The following ARNT2 variants were observed in gnomAD, a reference collection of about 807,000 sequenced individuals.
ARNT2 encodes aryl hydrocarbon receptor nuclear translocator 2.
In ARNT2, 36 loss-of-function variants were observed where a neutral mutation model predicts 91.7. The observed-to-expected ratio is 0.39, with a 90% CI of 0.30 to 0.52. ARNT2 has a LOEUF of 0.52. Ranked by LOEUF, ARNT2 falls within the 20% of genes least tolerant of loss-of-function variation. The pLI is 0.72. For synonymous variants in ARNT2, 365 were observed against 347.1 expected, an observed-to-expected ratio of 1.05 and a Z score of -0.57; for missense variants, 775 against 939.3, an observed-to-expected ratio of 0.83 and a Z score of 2.29.
chr15:80,442,876 C>T (rs1896215633), intron 1 of ARNT2: 2 of 985,376 alleles, frequency 2.0e-6, no homozygotes. Context: ...TAGAATTTTC[C>T]CTTTTTGGGA....
intron 5 of ARNT2, among the ~76,000 whole-genome samples, chr15:80,506,050 C>T (rs1343655192): frequency 1.3e-5 from 2 of 151,232 alleles, no homozygotes; most frequent in Non-Finnish European, 2.9e-5. Context: ...CATTCTCCTG[C>T]CTCAGCCTCC....
At chr15:80,497,256 AT>A (rs1897135682) in intron 5 of ARNT2, among the ~76,000 whole-genome samples, 3 of 152,396 alleles carry the variant, frequency 2.0e-5, no homozygotes, top group African/African-American at 7.2e-5. Flanking sequence ...CAAGTAAGCC[AT>A]TTAAAAGGAG....
In ARNT2 at chr15:80,551,212, T is replaced by C; in HGVS notation, c.891T>C (p.Pro297=). Residue 297 remains proline (P), a synonymous_variant, in exon 9 of 19, where the codon CCT becomes CCC. Transcript: ENST00000303329. ...TTCCCATTTCAGGAATGACCATACC[T>C]GAAGAAGACGCTGATGTGGGACAAG... The part of the protein sequence containing the change: ...KAWPPAGMTI[P]EEDADVGQGS... 2.5e-6 allele frequency: 4 copies of C among 1,613,980 alleles called. No individual in the cohort carries two copies. Among genetic ancestry groups the C allele is most frequent in the Non-Finnish European group, 3.4e-6 (4 of 1,179,846 alleles).
intron 17 of ARNT2, among the ~76,000 whole-genome samples, chr15:80,586,739 G>T (rs1028819367): frequency 1.3e-5 from 2 of 151,554 alleles, no homozygotes; most frequent in Admixed American, 6.6e-5. Flanking sequence ...GGTGGTGCGC[G>T]CTGAGGCAGG....
intron 8 of ARNT2, among the ~76,000 whole-genome samples, chr15:80,548,629 G>A (rs8027410): frequency 0.35 from 53,323 of 151,858 alleles, 9,671 homozygotes; most frequent in Non-Finnish European, 0.38. Flanking sequence ...AGGCTATAAT[G>A]GTAGAGAAAG....
chr15:80,508,219 T>C lies in ARNT2; in HGVS notation c.686T>C (p.Met229Thr). 6.2e-7 allele frequency: 1 copy of C among 1,614,174 alleles called. No homozygotes were observed. The highest frequency in any genetic ancestry group is 8.5e-7 in the Non-Finnish European group (1 of 1,180,018). Residue 229 changes from methionine to threonine, a missense_variant, in exon 6 of 19, where the codon ATG (methionine) becomes ACG (threonine). By Grantham distance (81) the Met-to-Thr change is moderately conservative. Coordinates refer to ENST00000303329, the MANE Select transcript of ARNT2 (RefSeq NM_014862.4). ...KKEGQQSSMR[M>T]CMGSRRSFIC... ...GAAGGGCAGCAGTCATCCATGAGGA[T>C]GTGCATGGGCTCGCGGCGGTCTTTC... is the stretch of plus-strand genomic sequence containing the variant.
In ARNT2 at chr15:80,454,339, G is replaced by T. The variant is rs1049243773; in HGVS notation, c.146+3345G>T. On this transcript the variant is annotated intron_variant, in intron 2 of 18. Transcript: ENST00000303329. ...CCCATCTCAAAGCCAGCTTTTGATG[G>T]GTTGGAGGGTGGAGGCTGAGGGCAG... 1.1e-4 allele frequency among the ~76,000 whole-genome samples: 17 copies of T among 152,190 alleles called. 1 individual carries two copies. The highest frequency in any genetic ancestry group is 1.0e-3 in the Admixed American group (16 of 15,286).
At chr15:80,454,049 C>T (rs1181890660) in intron 2 of ARNT2, among the ~76,000 whole-genome samples, 1 of 152,234 alleles carries the variant, frequency 6.6e-6, no homozygotes, top group Non-Finnish European at 1.5e-5. Flanking sequence ...TAACTTTCTT[C>T]CCATTTCCCT....
intron 1 of ARNT2, among the ~76,000 whole-genome samples, chr15:80,409,620 CT>C (rs1895653057): frequency 6.6e-6 from 1 of 152,158 alleles, no homozygotes; most frequent in Non-Finnish European, 1.5e-5. Context: ...TTAGGTATAA[CT>C]CCTACCATCA....
chr15:80,446,133 A>G (rs549290174), intron 1 of ARNT2, among the ~76,000 whole-genome samples: 2 of 152,242 alleles, frequency 1.3e-5, no homozygotes, highest in South Asian at 2.1e-4. Context: ...CCCATTTTGC[A>G]GATAGAAAAC....
chr15:80,464,570 G>A (rs752539217), intron 3 of ARNT2, among the ~76,000 whole-genome samples: 1 of 152,152 alleles, frequency 6.6e-6, no homozygotes, highest in Non-Finnish European at 1.5e-5. Flanking sequence ...GGCCTTGGAT[G>A]GCTTCTGGGG....
chr15:80,468,163 G>A (rs1032632772), intron 3 of ARNT2, among the ~76,000 whole-genome samples: 6 of 152,058 alleles, frequency 3.9e-5, no homozygotes, highest in African/African-American at 7.2e-5. Flanking sequence ...CATTTGTGCC[G>A]TGGCTGGTGT....
intron 5 of ARNT2, among the ~76,000 whole-genome samples, chr15:80,487,509 G>GC (rs1431223500): frequency 6.6e-6 from 1 of 152,184 alleles, no homozygotes; most frequent in Non-Finnish European, 1.5e-5. Context: ...GAGAAGTTTG[G>GC]CCCCCAGCTC....
rs200720408 is a variant in ARNT2 at position 80,484,508 on chromosome 15, A to G, written c.622+9285A>G. ...TTATCCCAGATGTTTCTTTGGAGCC[A>G]GTTCAGTTCTTTCTCGTTGTTAAAT... On this transcript the variant is annotated intron_variant, in intron 5 of 18. Coordinates refer to ENST00000303329, the MANE Select transcript of ARNT2 (RefSeq NM_014862.4). 2.6e-5 allele frequency among the ~76,000 whole-genome samples: 4 copies of G among 152,324 alleles called. No individual in the cohort carries two copies. The East Asian group carries it at 7.7e-4, about 29-fold the overall frequency.
intron 5 of ARNT2, among the ~76,000 whole-genome samples, chr15:80,477,382 G>A (rs1896823607): frequency 6.6e-6 from 1 of 152,152 alleles, no homozygotes; most frequent in Admixed American, 6.5e-5. Context: ...CTATCTATCT[G>A]GGATCTGTTT....
intron 6 of ARNT2, among the ~76,000 whole-genome samples, chr15:80,513,503 G>A (rs1444107441): frequency 2.6e-5 from 4 of 152,182 alleles, no homozygotes; most frequent in Non-Finnish European, 5.9e-5. Flanking sequence ...TCTGTTTTAA[G>A]TTGATGTCAC....
chr15:80,479,020 G>A (rs1211154388), intron 5 of ARNT2, among the ~76,000 whole-genome samples: 2 of 152,172 alleles, frequency 1.3e-5, no homozygotes, highest in African/African-American at 4.8e-5. Flanking sequence ...GAGTGGAGGT[G>A]GCTTAACTAG....
At chr15:80,444,310 CCT>C (rs1315156791) in intron 1 of ARNT2, 2 of 154,248 alleles carry the variant, frequency 1.3e-5, no homozygotes, top group African/African-American at 4.8e-5. Context: ...GAAGTTGTTC[CCT>C]GTCAGGTCTG....
chr15:80,514,905 C>T (rs974420316), intron 8 of ARNT2, among the ~76,000 whole-genome samples: 1 of 151,850 alleles, frequency 6.6e-6, no homozygotes, highest in Non-Finnish European at 1.5e-5. Context: ...AACAAACAAA[C>T]AAAAAACAAA....
Sources: gnomAD v4.1 joint callset for allele counts (sites outside exome capture counted in the v4.1 genomes callset) on GRCh38, gnomAD v4.1.1 for gene constraint, MANE v1.5 for transcripts, NCBI Gene and HGNC (gene_info 2026-07-23, HGNC 2026-07-21) for gene names.